The following AHRR variants were observed in gnomAD, a reference collection of about 807,000 sequenced individuals.
AHRR encodes ahR repressor.
In AHRR, 28 loss-of-function variants were observed where a neutral mutation model predicts 44.0. That is an observed-to-expected ratio of 0.64 (90% CI 0.47 to 0.87). AHRR has a LOEUF of 0.87. Ranked by LOEUF, AHRR falls within the 40% of genes least tolerant of loss-of-function variation. The pLI is 0.00. For missense variants in AHRR, 990 were observed against 953.9 expected (o/e 1.04, Z -0.50); for synonymous variants, 434 against 407.0 (o/e 1.07, Z -0.80).
chr5:417,160 G>T (rs1343905716), intron 5 of AHRR, among the ~76,000 whole-genome samples: 3 of 144,378 alleles, frequency 2.1e-5, no homozygotes, highest in Admixed American at 7.0e-5. Context: ...TCTGGAGAAG[G>T]CCGCTTGGTG....
intron 3 of AHRR, among the ~76,000 whole-genome samples, chr5:359,480 C>T (rs895989756): frequency 1.3e-5 from 2 of 152,170 alleles, no homozygotes; most frequent in East Asian, 3.9e-4. Context: ...TGACGGGGCA[C>T]AGAGGTGTGT....
Position 395,092 on chromosome 5 carries a change from C to T in AHRR, c.352-18252C>T, listed in dbSNP as rs1579661881. On this transcript the variant is annotated intron_variant, in intron 4 of 10. Coordinates refer to ENST00000684583, the MANE Select transcript of AHRR (RefSeq NM_001377236.1). This position sits in a 1 kb window ranked among gnomAD's most constrained non-coding sequence, Gnocchi z 5.3. The stretch of plus-strand genomic sequence containing the variant: ...CTCCCACCTGTATTTTGACTGTGAC[C>T]CCAAAGCCCCTGCCCTGGGCCGTGG... 6.6e-6 allele frequency among the ~76,000 whole-genome samples: 1 copy of T among 152,288 alleles called. No homozygotes were observed. Among genetic ancestry groups the T allele is most frequent in the East Asian group, 1.9e-4 (1 of 5,178 alleles).
chr5:432,874 G>A lies in AHRR; in HGVS notation c.1039G>A (p.Val347Ile), dbSNP rs1183777327. Residue 347 changes from valine (V) to isoleucine (I), a missense_variant, in exon 10 of 11, where the codon GTT becomes ATT. Transcript: ENST00000684583. ...GACTGACGCTGGCCGATGGGCACAG[G>A]TTCCCGCCAGGGCCCCATGCCTGTG... ...EQTDAGRWAQ[V>I]PARAPCLCLR... The A allele has an allele frequency of 6.2e-7, 1 of 1,613,752 alleles. No homozygotes were observed. Among genetic ancestry groups the A allele is most frequent in the East Asian group, 2.2e-5 (1 of 44,880 alleles).
At chr5:351,567 G>A (rs1311417232) in intron 2 of AHRR, among the ~76,000 whole-genome samples, 2 of 152,180 alleles carry the variant, frequency 1.3e-5, no homozygotes, top group African/African-American at 4.8e-5. Context: ...GCTGAGAGCT[G>A]ACTGAGGGCT....
At chr5:341,685 C>A (rs1742355617) in intron 1 of AHRR, among the ~76,000 whole-genome samples, 1 of 151,948 alleles carries the variant, frequency 6.6e-6, no homozygotes, top group Non-Finnish European at 1.5e-5. Context: ...CCACGCCCTG[C>A]CAATTTTTCT....
rs142009066 is a variant in AHRR at position 388,276 on chromosome 5, G to A, written c.351+11560G>A. On this transcript the variant is annotated intron_variant, in intron 4 of 10. Coordinates refer to ENST00000684583, the MANE Select transcript of AHRR (RefSeq NM_001377236.1). This position sits in a 1 kb window ranked among gnomAD's most constrained non-coding sequence, Gnocchi z 5.2. ...AGAAACTCAGGCCTCCCCCCGTCCC[G>A]AACCCAAGCCCTGAACTGCTGTCGT... Among the ~76,000 whole-genome samples the A allele has an allele frequency of 9.2e-5, 14 of 152,282 alleles. No homozygotes were observed. The highest frequency in any genetic ancestry group is 3.1e-4 in the African/African-American group (13 of 41,558).
At chr5:393,746 T>C (rs1393798656) in intron 4 of AHRR, among the ~76,000 whole-genome samples, 3 of 152,206 alleles carry the variant, frequency 2.0e-5, no homozygotes, top group South Asian at 4.1e-4. Flanking sequence ...CAAGTGATTC[T>C]CCTGCCTCAG....
Position 432,508 on chromosome 5 carries a change from A to T in AHRR, c.954A>T (p.Lys318Asn). ...TGTGCGAATCGGAACTGCATGGAAA[A>T]CCCAATTACTCAGCAGGTACTTAGA... is the stretch of plus-strand genomic sequence containing the variant. ...TSLCESELHG[K>N]PNYSAGRSSR... The change falls in exon 9 of 11, where the codon AAA (lysine) becomes AAT (asparagine). Residue 318 changes from lysine to asparagine, a missense_variant. Transcript: ENST00000684583. The T allele has an allele frequency of 1.2e-6, 2 of 1,614,052 alleles. No individual in the cohort carries two copies. Among genetic ancestry groups the T allele is most frequent in the Non-Finnish European group, 1.7e-6 (2 of 1,179,966 alleles).
chr5:345,574 G>A (rs1446632670), intron 2 of AHRR, among the ~76,000 whole-genome samples: 1 of 150,242 alleles, frequency 6.7e-6, no homozygotes, highest in Non-Finnish European at 1.5e-5. Flanking sequence ...ATGTGTGGGT[G>A]TGTGTGGGTG....
intron 4 of AHRR, among the ~76,000 whole-genome samples, chr5:399,546 GTGCTGCTGC>G (rs1364548326): frequency 2.6e-5 from 4 of 152,226 alleles, no homozygotes; most frequent in African/African-American, 9.6e-5. Context: ...AGGGTGCCTG[GTGCTGCTGC>G]TCACCGCCGC....
chr5:433,714 G>A (rs1391820627), intron 10 of AHRR, 139 bp from the exon 11 acceptor site: 7 of 1,019,038 alleles, frequency 6.9e-6, no homozygotes, highest in East Asian at 3.2e-5. Flanking sequence ...AAGGCACAGC[G>A]CAGTGAGGGG....
At chr5:327,140 C>G (rs1431861842) in intron 1 of AHRR, among the ~76,000 whole-genome samples, 4 of 152,172 alleles carry the variant, frequency 2.6e-5, no homozygotes, top group Non-Finnish European at 4.4e-5. Context: ...ACTTGCATTT[C>G]CCTAATGATT....
rs913043644 is a variant in AHRR at position 388,752 on chromosome 5, G to A, written c.351+12036G>A. Among the ~76,000 whole-genome samples, 5 of 152,172 alleles carry A rather than the reference G, an allele frequency of 3.3e-5. No individual in the cohort carries two copies. Among genetic ancestry groups the A allele is most frequent in the Admixed American group, 3.3e-4 (5 of 15,292 alleles). ...CCCTCTGGGCCCTGAAGAGCATCTCGGGGGACTTCAGTTTCAAACCTCAAA... is the reference window on the plus strand; with the variant it reads ...CCCTCTGGGCCCTGAAGAGCATCTCAGGGGACTTCAGTTTCAAACCTCAAA... On this transcript the variant is annotated intron_variant, in intron 4 of 10. Transcript: ENST00000684583. The surrounding 1 kb of genome is among the most constrained non-coding windows in gnomAD (Gnocchi z 5.2).
chr5:323,508 T>A (rs572916916), intron 1 of AHRR, among the ~76,000 whole-genome samples: 9 of 152,348 alleles, frequency 5.9e-5, no homozygotes, highest in African/African-American at 1.9e-4. Context: ...AGCAACTGTT[T>A]CTCAAACTAC....
intron 1 of AHRR, among the ~76,000 whole-genome samples, chr5:335,534 G>A (rs2671911): frequency 2.0e-5 from 3 of 152,202 alleles, no homozygotes; most frequent in Non-Finnish European, 4.4e-5. Flanking sequence ...ATGCTGGGCA[G>A]AGCTGGACCA....
chr5:351,402 C>T (rs895462083), intron 2 of AHRR, among the ~76,000 whole-genome samples: 3 of 152,180 alleles, frequency 2.0e-5, no homozygotes, highest in Admixed American at 1.3e-4. Context: ...TCTCCATACA[C>T]GGGAATATTA....
intron 4 of AHRR, among the ~76,000 whole-genome samples, chr5:402,053 C>T (rs1211632097): frequency 1.3e-5 from 2 of 152,178 alleles, no homozygotes; most frequent in Non-Finnish European, 2.9e-5. Context: ...AACCATACAT[C>T]TCACTGGCGG....
At chr5:330,823 G>A (rs1741883419) in intron 1 of AHRR, among the ~76,000 whole-genome samples, 1 of 151,052 alleles carries the variant, frequency 6.6e-6, no homozygotes, top group South Asian at 2.1e-4. Context: ...ACAGTTTCAG[G>A]AAGATTGGTC....
At chr5:397,689 T>C (rs1734796702) in intron 4 of AHRR, among the ~76,000 whole-genome samples, 1 of 133,842 alleles carries the variant, frequency 7.5e-6, no homozygotes, top group Non-Finnish European at 1.6e-5. Flanking sequence ...ATGTAGCCCC[T>C]GACCATCCAC....
Sources: gnomAD v4.1 joint callset for allele counts (sites outside exome capture counted in the v4.1 genomes callset) on GRCh38, gnomAD v4.1.1 for gene constraint, Gnocchi (gnomAD v3.1) non-coding constraint, MANE v1.5 for transcripts, NCBI Gene and HGNC (gene_info 2026-07-23, HGNC 2026-07-21) for gene names.